The following PFKFB1 variants were observed in gnomAD, a reference collection of about 807,000 sequenced individuals.
The protein encoded by PFKFB1 is 6-phosphofructo-2-kinase/fructose-2,6-bisphosphatase 1.
A neutral mutation model predicts 46.4 loss-of-function variants in PFKFB1; 34 were observed. That is an observed-to-expected ratio of 0.73 (90% confidence interval 0.56 to 0.98). PFKFB1 has a LOEUF of 0.98. PFKFB1 is among the 50% of genes least tolerant of loss of function. The pLI is 0.00. For synonymous variants in PFKFB1, 119 were observed against 133.8 expected, an observed-to-expected ratio of 0.89 and a Z score of 0.76; for missense variants, 393 against 376.3, an observed-to-expected ratio of 1.04 and a Z score of -0.37.
intron 1 of PFKFB1, among the ~76,000 whole-genome samples, chrX:54,975,376 A>C (rs887717046): frequency 9.0e-6 from 1 of 111,137 alleles, no homozygotes; most frequent in African/African-American, 3.3e-5. Flanking sequence ...GAAGTCGCTT[A>C]GGAATGAAAA....
At chrX:54,998,338 C>A (rs2146702416), upstream of PFKFB1, 5 of 985,840 alleles carry the variant, frequency 5.1e-6, no homozygotes, top group South Asian at 1.0e-4. Context: ...AGAAAACTTT[C>A]CAGAGGGCCT....
chrX:54,941,320 C>T (rs1933623035), intron 10 of PFKFB1, among the ~76,000 whole-genome samples: 1 of 112,009 alleles, frequency 8.9e-6, no homozygotes, highest in South Asian at 3.7e-4. Flanking sequence ...CCATTCAGGA[C>T]ATAGGCATGG....
chrX:54,983,841 CTTT>C (rs975048226), intron 1 of PFKFB1, among the ~76,000 whole-genome samples: 1 of 111,472 alleles, frequency 9.0e-6, no homozygotes, highest in African/African-American at 3.3e-5. Context: ...TATTTTTTGA[CTTT>C]TTTATGATAG....
chrX:54,934,568 T>C (rs1376146591), intron 12 of PFKFB1, among the ~76,000 whole-genome samples: 9 of 111,868 alleles, frequency 8.0e-5, no homozygotes, highest in Non-Finnish European at 1.5e-4. Context: ...CCCCTGTTCA[T>C]GAACCTTTCA....
intron 1 of PFKFB1, among the ~76,000 whole-genome samples, chrX:54,978,158 T>C (rs896599832): frequency 1.8e-5 from 2 of 110,695 alleles, no homozygotes; most frequent in African/African-American, 6.6e-5. Flanking sequence ...AAATATAAAG[T>C]CTACTAAAAA....
intron 10 of PFKFB1, among the ~76,000 whole-genome samples, chrX:54,939,311 C>T (rs988635401): frequency 9.1e-6 from 1 of 109,743 alleles, no homozygotes; most frequent in African/African-American, 3.3e-5. Flanking sequence ...AAAATTGACA[C>T]CTAACATCAC....
chrX:54,990,638 C>T (rs762012127), intron 1 of PFKFB1, among the ~76,000 whole-genome samples: 3 of 111,655 alleles, frequency 2.7e-5, no homozygotes, highest in Admixed American at 9.5e-5. Flanking sequence ...ATAGTTCCCA[C>T]CTGATTTTAT....
chrX:54,976,022 T>A (rs1038073890), intron 1 of PFKFB1, among the ~76,000 whole-genome samples: 19 of 111,645 alleles, frequency 1.7e-4, no homozygotes, highest in African/African-American at 5.2e-4. Context: ...TGTAAAATAT[T>A]GGATATGCCA....
chrX:54,977,324 G>A (rs1449288485), intron 1 of PFKFB1, among the ~76,000 whole-genome samples: 1 of 110,854 alleles, frequency 9.0e-6, no homozygotes, highest in Non-Finnish European at 1.9e-5. Flanking sequence ...TGTAGACACT[G>A]TACTCTAATT....
intron 7 of PFKFB1, among the ~76,000 whole-genome samples, chrX:54,954,299 A>G (rs1934070392): frequency 9.0e-6 from 1 of 110,702 alleles, no homozygotes; most frequent in African/African-American, 3.3e-5. Flanking sequence ...AGATCATTTG[A>G]GGTCAGGAGT....
intron 10 of PFKFB1, among the ~76,000 whole-genome samples, chrX:54,944,277 A>T (rs1327865598): frequency 9.0e-6 from 1 of 111,520 alleles, no homozygotes; most frequent in Non-Finnish European, 1.9e-5. Flanking sequence ...TATATAACTT[A>T]AATATGGATA....
chrX:54,973,581 C>T (rs1293848997), intron 1 of PFKFB1, among the ~76,000 whole-genome samples: 3 of 111,258 alleles, frequency 2.7e-5, no homozygotes, highest in Non-Finnish European at 5.7e-5. Context: ...TTATTTCTGC[C>T]TTCATTTCGT....
At chrX:54,958,804 T>G (rs1234002748) in intron 5 of PFKFB1, 47 bp downstream of exon 5, 1 of 887,237 alleles carries the variant, frequency 1.1e-6, no homozygotes, top group Non-Finnish European at 1.6e-6. Context: ...CTTTGGGGTT[T>G]GTGCTGGAGA....
chrX:54,960,799 G>A (rs1934287407), intron 3 of PFKFB1, 25 bp downstream of exon 3: 1 of 1,022,237 alleles, frequency 9.8e-7, no homozygotes, highest in Non-Finnish European at 1.4e-6. Context: ...AGACAGCACA[G>A]GTTCCTAAAA....
At chrX:54,945,046 T>A (rs1933759109) in intron 10 of PFKFB1, among the ~76,000 whole-genome samples, 1 of 112,043 alleles carries the variant, frequency 8.9e-6, no homozygotes, top group African/African-American at 3.2e-5. Context: ...TTAGCCATTG[T>A]CCCTTGGGAC....
intron 12 of PFKFB1, among the ~76,000 whole-genome samples, chrX:54,934,462 C>T (rs917355791): frequency 3.9e-4 from 44 of 111,538 alleles, no homozygotes; most frequent in African/African-American, 1.2e-3. Flanking sequence ...CCTGTGGAAG[C>T]TCCCTTAGCT....
At chrX:54,987,965 A>G (rs1425582217) in intron 1 of PFKFB1, among the ~76,000 whole-genome samples, 2 of 111,553 alleles carry the variant, frequency 1.8e-5, no homozygotes, top group Non-Finnish European at 3.8e-5. Flanking sequence ...CATCTTTTCA[A>G]CATTCTAGTA....
At chrX:54,946,101 G>A (rs778564359) in intron 9 of PFKFB1, among the ~76,000 whole-genome samples, 4 of 110,309 alleles carry the variant, frequency 3.6e-5, no homozygotes, top group Admixed American at 9.7e-5. Context: ...GTGTGTCTGT[G>A]GCATGTGTGT....
Position 54,933,324 on chromosome X carries a change from G to T in PFKFB1, c.*79C>A. On this transcript the variant is annotated 3_prime_UTR_variant, in exon 14 of 14. Transcript: ENST00000375006. The stretch of plus-strand genomic sequence containing the variant: ...GGTGCCTCAGTGAGGCCAAGGCAGA[G>T]TAGGAGAAGAGCAAAGATAGCATTT... The T allele has an allele frequency of 1.1e-6, 1 of 872,059 alleles. No individual in the cohort carries two copies. Among genetic ancestry groups the T allele is most frequent in the Non-Finnish European group, 1.7e-6 (1 of 589,407 alleles). 71.9% of individuals were successfully genotyped at this position (872,059 alleles called of 1,213,427 possible). A position where few individuals can be genotyped will look rare whatever the true frequency, so the allele number is the denominator to read the frequency against.
Sources: allele counts gnomAD v4.1 joint callset (sites outside exome capture counted in the v4.1 genomes callset), GRCh38; gene constraint gnomAD v4.1.1; transcripts MANE v1.5; gene names NCBI Gene and HGNC (gene_info 2026-07-23, HGNC 2026-07-21).